Variants in CSMD3 observed in about 807,000 individuals in gnomAD.
CSMD3 encodes CUB and Sushi multiple domains 3, also known as CUB and sushi domain-containing protein 3.
CSMD3 carries 177 observed loss-of-function variants against 435.2 expected under a neutral mutation model. That is an observed-to-expected ratio of 0.41 (90% CI 0.36 to 0.46). The LOEUF (loss-of-function observed/expected upper bound fraction) is 0.46, where lower values mean the gene tolerates loss of function less well. CSMD3 is among the 20% of genes least tolerant of loss of function. CSMD3 has a pLI of 0.34. For missense variants in CSMD3, 4,265 were observed against 4,504.6 expected, an observed-to-expected ratio of 0.95 and a Z score of 1.52; for synonymous variants, 1,656 against 1,520.5, an observed-to-expected ratio of 1.09 and a Z score of -2.07.
chr8:113,309,614 G>A (rs987698637), intron 2 of CSMD3: 3 of 152,104 alleles, frequency 2.0e-5, no homozygotes, highest in African/African-American at 7.2e-5. Context: ...ATATAACTCA[G>A]GAAAGTGAAG....
At chr8:112,715,783 C>G (rs928926354) in intron 13 of CSMD3, among the ~76,000 whole-genome samples, 5 of 152,060 alleles carry the variant, frequency 3.3e-5, no homozygotes, top group Non-Finnish European at 7.4e-5. Context: ...CACAAACCGG[C>G]AGATGTAATC....
intron 1 of CSMD3, among the ~76,000 whole-genome samples, chr8:113,416,164 T>C (rs576683168): frequency 3.9e-5 from 6 of 152,104 alleles, no homozygotes; most frequent in Non-Finnish European, 7.4e-5. Flanking sequence ...ATTTTTATAA[T>C]TAAATAAATC....
Position 112,874,694 on chromosome 8 carries a change from G to GTCTGT in CSMD3, c.1634-15433_1634-15429dup, listed in dbSNP as rs776680959. 2.7e-4 allele frequency among the ~76,000 whole-genome samples: 41 copies of GTCTGT among 152,228 alleles called. 1 individual carries two copies. Among genetic ancestry groups the GTCTGT allele is most frequent in the Admixed American group, 1.7e-3 (26 of 15,268 alleles). On this transcript the variant is annotated intron_variant, in intron 10 of 70. Coordinates refer to ENST00000297405, the MANE Select transcript of CSMD3 (RefSeq NM_198123.2). ...CTTTTTTGATCTTTGTTGGTTTAAA[G>GTCTGT]TCTGTTTTATCAGAGGCTAGGATTG...
At chr8:113,428,746 C>A (rs1007336266) in intron 1 of CSMD3, among the ~76,000 whole-genome samples, 1 of 151,830 alleles carries the variant, frequency 6.6e-6, no homozygotes, top group African/African-American at 2.4e-5. Flanking sequence ...TCTGATCATT[C>A]TGGAGTCAAT....
At position 112,631,275 on chromosome 8, in the gene CSMD3, T is replaced by C. The variant is rs550595730; in HGVS notation, c.3715+5542A>G. 2.0e-5 allele frequency among the ~76,000 whole-genome samples: 3 copies of C among 152,234 alleles called. No homozygotes were observed. In the East Asian group the frequency reaches 5.8e-4, roughly 29 times the overall value. ...GTTGGAACACAGCCACATCAATTCA[T>C]TTATGTATTTTCTATTGTTGCTTTC... On this transcript the variant is annotated intron_variant, in intron 22 of 70. Coordinates refer to ENST00000297405, the MANE Select transcript of CSMD3 (RefSeq NM_198123.2).
At chr8:112,573,957 T>C (rs1449907660) in intron 23 of CSMD3, among the ~76,000 whole-genome samples, 1 of 151,988 alleles carries the variant, frequency 6.6e-6, no homozygotes, top group African/African-American at 2.4e-5. Flanking sequence ...AAATTAAGAA[T>C]ACCTACCTAA....
chr8:112,862,986 T>C (rs2080867664), intron 10 of CSMD3, among the ~76,000 whole-genome samples: 1 of 152,002 alleles, frequency 6.6e-6, no homozygotes, highest in Non-Finnish European at 1.5e-5. Context: ...TTTAGTATGC[T>C]TTAACAGAAG....
chr8:112,300,644 G>A (rs1382415630), intron 53 of CSMD3, among the ~76,000 whole-genome samples: 1 of 152,050 alleles, frequency 6.6e-6, no homozygotes, highest in Non-Finnish European at 1.5e-5. Flanking sequence ...TCCCTAGCCA[G>A]AGCCTGGTCC....
At chr8:112,536,879 T>C (rs1298836751) in intron 27 of CSMD3, among the ~76,000 whole-genome samples, 1 of 151,862 alleles carries the variant, frequency 6.6e-6, no homozygotes, top group Non-Finnish European at 1.5e-5. Flanking sequence ...GGGACATGGA[T>C]GAAATTGGAA....
intron 2 of CSMD3, among the ~76,000 whole-genome samples, chr8:113,279,509 T>G (rs551796896): frequency 2.0e-5 from 3 of 151,870 alleles, no homozygotes; most frequent in South Asian, 4.1e-4. Flanking sequence ...CTTTTATCAT[T>G]AAGTTACTCA....
intron 6 of CSMD3, among the ~76,000 whole-genome samples, chr8:113,003,439 T>C (rs748340686): frequency 3.9e-5 from 6 of 152,042 alleles, no homozygotes; most frequent in Non-Finnish European, 8.8e-5. Flanking sequence ...ATTTTCTCTG[T>C]AATATTTTTG....
rs2130832380 is a variant in CSMD3 at position 112,314,050 on chromosome 8, G to A, written c.7552C>T (p.Pro2518Ser). 1.9e-6 allele frequency: 3 copies of A among 1,605,510 alleles called. No individual in the cohort carries two copies. The South Asian group carries it at 3.3e-5, about 18-fold the overall frequency. The change falls in exon 49 of 71, where the codon CCA becomes TCA. Residue 2518 changes from proline to serine, a missense_variant and splice_region_variant. Transcript: ENST00000297405. ...EFDVLQVYDGPNIQSPVLISL... is the reference protein window; with the variant it reads ...EFDVLQVYDGSNIQSPVLISL... The stretch of plus-strand genomic sequence containing the variant: ...ATAAGCACTGGACTTTGAATATTTG[G>A]TCCTTTGGGAAGAAAATAAAACAAT...
chr8:112,431,355 C>T (rs1016552899), intron 32 of CSMD3, among the ~76,000 whole-genome samples: 1 of 151,952 alleles, frequency 6.6e-6, no homozygotes, highest in African/African-American at 2.4e-5. Context: ...TTGTTTTAAG[C>T]TGACTGGCAA....
At chr8:113,269,084 T>G (rs1384618769) in intron 3 of CSMD3, among the ~76,000 whole-genome samples, 3 of 152,140 alleles carry the variant, frequency 2.0e-5, no homozygotes, top group Non-Finnish European at 2.9e-5. Flanking sequence ...AATACATATA[T>G]CAAAAAGATT....
At position 112,807,537 on chromosome 8, in the gene CSMD3, T is replaced by TAGGTAGGTAGGA. The variant is rs1232991977; in HGVS notation, c.1860-7264_1860-7263insTCCTACCTACCT. On this transcript the variant is annotated intron_variant, in intron 12 of 70. Transcript: ENST00000297405. The stretch of plus-strand genomic sequence containing the variant: ...GTAGGTAGGTAGGTAGGTAGGTAGG[T>TAGGTAGGTAGGA]AGGAAATACATGTTTGGTGTCCATC... 2.4e-3 allele frequency among the ~76,000 whole-genome samples: 214 copies of TAGGTAGGTAGGA among 87,358 alleles called. 4 individuals carry two copies. Among genetic ancestry groups the TAGGTAGGTAGGA allele is most frequent in the Non-Finnish European group, 2.7e-3 (91 of 33,430 alleles). 57.3% of individuals were successfully genotyped at this position (87,358 alleles called of 152,430 possible).
At chr8:112,822,460 T>C (rs187951548) in intron 12 of CSMD3, among the ~76,000 whole-genome samples, 72 of 152,244 alleles carry the variant, frequency 4.7e-4, no homozygotes, top group Non-Finnish European at 2.2e-4. Flanking sequence ...GCTTGTCTAT[T>C]GTTGGCGTAT....
intron 23 of CSMD3, among the ~76,000 whole-genome samples, chr8:112,584,572 T>C (rs1830572907): frequency 6.6e-6 from 1 of 151,788 alleles, no homozygotes. Context: ...TTGTTATTGT[T>C]ATTTTTGTTT....
chr8:112,372,640 A>G (rs1387180171), intron 38 of CSMD3, among the ~76,000 whole-genome samples: 1 of 152,102 alleles, frequency 6.6e-6, no homozygotes, highest in Non-Finnish European at 1.5e-5. Context: ...GCCTGAGCAC[A>G]GGAGTTCGAG....
Position 112,246,158 on chromosome 8 carries a change from T to C in CSMD3, c.10222+862A>G, listed in dbSNP as rs146184594. ...TTTAAATATAAGCCAACAAGGCACA[T>C]AACATGGCATCTCTGTGGAGTGTTC... On this transcript the variant is annotated intron_variant, in intron 64 of 70. Transcript: ENST00000297405. Among the ~76,000 whole-genome samples, 3 of 152,308 alleles carry C rather than the reference T, an allele frequency of 2.0e-5. No homozygotes were observed. In the East Asian group the frequency reaches 5.8e-4, roughly 29 times the overall value.
Sources: allele counts gnomAD v4.1 joint callset (sites outside exome capture counted in the v4.1 genomes callset), GRCh38; gene constraint gnomAD v4.1.1; transcripts MANE v1.5; gene names NCBI Gene and HGNC (gene_info 2026-07-23, HGNC 2026-07-21).